Variants in PTK2 observed in about 807,000 individuals in gnomAD.
PTK2 encodes focal adhesion kinase 1.
Under a neutral mutation model 150.1 loss-of-function variants are expected in PTK2, and 45 were observed. The observed-to-expected ratio is 0.30, with a 90% CI of 0.24 to 0.38. The LOEUF (loss-of-function observed/expected upper bound fraction) is 0.38, where lower values mean the gene tolerates loss of function less well. Ranked by LOEUF, PTK2 falls within the 10% of genes least tolerant of loss-of-function variation. The pLI is 1.00. For synonymous variants in PTK2, 432 were observed against 449.2 expected, an observed-to-expected ratio of 0.96 and a Z score of 0.48; for missense variants, 919 against 1,307.3, an observed-to-expected ratio of 0.70 and a Z score of 4.58.
At chr8:140,675,116 C>T (rs1040811558) in intron 28 of PTK2, among the ~76,000 whole-genome samples, 40 of 149,382 alleles carry the variant, frequency 2.7e-4, no homozygotes, top group African/African-American at 9.3e-4. Flanking sequence ...TAAATGCCTA[C>T]TGCTGTTCTT....
chr8:140,706,666 G>C (rs1008859333), intron 23 of PTK2, among the ~76,000 whole-genome samples: 13 of 152,078 alleles, frequency 8.5e-5, no homozygotes, highest in Non-Finnish European at 2.9e-5. Context: ...AAGACAGTAT[G>C]GCTATTCCTT....
chr8:140,915,033 C>CAAA (rs10661609), intron 2 of PTK2, among the ~76,000 whole-genome samples: 1,392 of 52,498 alleles, frequency 0.027, 84 homozygotes, highest in African/African-American at 0.037. Context: ...AACTCCAACT[C>CAAA]AAAAAAAAAA....
chr8:140,736,527 C>CA (rs113241429), intron 21 of PTK2, among the ~76,000 whole-genome samples: 81,687 of 143,194 alleles, frequency 0.57, 25,009 homozygotes, highest in African/African-American at 0.85. Flanking sequence ...ATCTAAAATT[C>CA]AAAAAAAAAA....
At chr8:140,693,279 C>T (rs116226996) in intron 26 of PTK2, among the ~76,000 whole-genome samples, 2,892 of 151,954 alleles carry the variant, frequency 0.019, 93 homozygotes, top group African/African-American at 0.066. Context: ...TGGGGCCAGG[C>T]GTGGTGACTC....
chr8:140,868,345 A>AT (rs1213593640), intron 4 of PTK2, among the ~76,000 whole-genome samples: 2 of 152,190 alleles, frequency 1.3e-5, no homozygotes, highest in African/African-American at 2.4e-5. Flanking sequence ...TAGACTTCCA[A>AT]TTTTTTTAAA....
chr8:140,742,531 CT>C (rs1333428732), intron 20 of PTK2, among the ~76,000 whole-genome samples: 10 of 152,144 alleles, frequency 6.6e-5, no homozygotes, highest in Non-Finnish European at 1.5e-4. Context: ...CCAGCATATT[CT>C]TTATTTTAAC....
At chr8:140,859,545 G>A (rs1173895154) in intron 5 of PTK2, among the ~76,000 whole-genome samples, 1 of 152,114 alleles carries the variant, frequency 6.6e-6, no homozygotes, top group Non-Finnish European at 1.5e-5. Context: ...CATCTTAAAT[G>A]TTTGCATCAA....
At chr8:140,921,681 C>A (rs1360083106) in intron 2 of PTK2, among the ~76,000 whole-genome samples, 5 of 152,146 alleles carry the variant, frequency 3.3e-5, no homozygotes, top group Admixed American at 3.3e-4. Flanking sequence ...GAGGTAGCCA[C>A]ATTCTTTAAC....
At chr8:140,886,278 T>C (rs1868279) in intron 3 of PTK2, among the ~76,000 whole-genome samples, 146,070 of 152,232 alleles carry the variant, frequency 0.96, 70,258 homozygotes, top group Non-Finnish European at 1. Context: ...GGTACAAATG[T>C]TGGGGAAAGG....
intron 27 of PTK2, among the ~76,000 whole-genome samples, chr8:140,680,746 A>G (rs1158330484): frequency 2.0e-5 from 3 of 152,184 alleles, no homozygotes; most frequent in African/African-American, 7.2e-5. Flanking sequence ...ACAAGGAAGG[A>G]GCTCAGTGTA....
chr8:140,884,617 G>A (rs1336744578), intron 3 of PTK2, among the ~76,000 whole-genome samples: 1 of 152,144 alleles, frequency 6.6e-6, no homozygotes, highest in Non-Finnish European at 1.5e-5. Context: ...GCTCTGAAAA[G>A]TCCTCCAGGC....
rs1282087042 is a variant in PTK2 at position 140,980,357 on chromosome 8, C to G, written c.-122+20768G>C. Among the ~76,000 whole-genome samples the G allele has an allele frequency of 2.0e-5, 3 of 152,188 alleles. No homozygotes were observed. The East Asian group carries it at 5.8e-4, about 29-fold the overall frequency. ...GTTCGGCCGGGCACGGTGGCTCACG[C>G]CTGTAATCCCAGCACTTTGGGAGGC... On this transcript the variant is annotated intron_variant, in intron 1 of 31. Transcript: ENST00000522684.
chr8:140,789,940 C>T (rs936846283), intron 13 of PTK2, among the ~76,000 whole-genome samples: 1 of 152,082 alleles, frequency 6.6e-6, no homozygotes, highest in Non-Finnish European at 1.5e-5. Flanking sequence ...TACAGTATGA[C>T]TGGTCTTTCT....
intron 26 of PTK2, among the ~76,000 whole-genome samples, chr8:140,696,017 A>G (rs143886930): frequency 6.6e-6 from 1 of 152,202 alleles, no homozygotes; most frequent in African/African-American, 2.4e-5. Flanking sequence ...AGTGACACCA[A>G]TGCTATGATT....
At chr8:140,794,472 T>G (rs1282414270) in intron 12 of PTK2, among the ~76,000 whole-genome samples, 1 of 152,180 alleles carries the variant, frequency 6.6e-6, no homozygotes, top group Non-Finnish European at 1.5e-5. Flanking sequence ...CTTTTGCCCT[T>G]GAATTCATTC....
chr8:140,888,674 T>TA (rs896435809), intron 3 of PTK2, among the ~76,000 whole-genome samples: 1 of 152,250 alleles, frequency 6.6e-6, no homozygotes, highest in Admixed American at 6.5e-5. Flanking sequence ...TCTATGGTAG[T>TA]AATCCCCTTA....
chr8:140,859,722 G>GGACAA (rs1036458289), intron 5 of PTK2, among the ~76,000 whole-genome samples: 1 of 152,116 alleles, frequency 6.6e-6, no homozygotes, highest in African/African-American at 2.4e-5. Flanking sequence ...AAGCTGATGA[G>GGACAA]GACAATTACT....
In PTK2 at chr8:140,949,811, C is replaced by T. The variant is rs375755048; in HGVS notation, c.-121-24062G>A. The stretch of plus-strand genomic sequence containing the variant: ...AAAGGGGCAGGTCCCCCATGAAATT[C>T]CACCTTCAAGCCAGGGACAGCCTTG... On this transcript the variant is annotated intron_variant, in intron 1 of 31. Coordinates refer to ENST00000522684, the Ensembl canonical transcript of PTK2. 1.1e-4 allele frequency among the ~76,000 whole-genome samples: 17 copies of T among 152,294 alleles called. No homozygotes were observed. The East Asian group carries it at 3.3e-3, about 29-fold the overall frequency.
intron 16 of PTK2, among the ~76,000 whole-genome samples, chr8:140,758,753 C>T (rs1029441712): frequency 6.6e-6 from 1 of 152,166 alleles, no homozygotes; most frequent in Admixed American, 6.5e-5. Context: ...ATAAATTTAA[C>T]GTAGCCAAAG....
Sources: gnomAD v4.1 joint callset for allele counts (sites outside exome capture counted in the v4.1 genomes callset) on GRCh38, gnomAD v4.1.1 for gene constraint, MANE v1.5 for transcripts, NCBI Gene and HGNC (gene_info 2026-07-23, HGNC 2026-07-21) for gene names.